The following TYSND1 variants were observed in gnomAD, a reference collection of about 807,000 sequenced individuals.
The protein encoded by TYSND1 is peroxisomal leader peptide-processing protease.
A neutral mutation model predicts 37.2 loss-of-function variants in TYSND1; 30 were observed. The observed-to-expected ratio is 0.81, with a 90% CI of 0.60 to 1.09. The LOEUF (loss-of-function observed/expected upper bound fraction) is 1.09, where lower values mean the gene tolerates loss of function less well. TYSND1 is among the 50% of genes least tolerant of loss of function. The pLI, the probability that TYSND1 is intolerant of heterozygous loss-of-function variation, is 0.00. For synonymous variants in TYSND1, 364 were observed against 383.8 expected (o/e 0.95, Z 0.60); for missense variants, 806 against 817.4 (o/e 0.99, Z 0.17).
At position 70,142,778 on chromosome 10, in the gene TYSND1, G is replaced by A. The variant is rs200428388; in HGVS notation, c.1373C>T (p.Ser458Leu). 5.8e-5 allele frequency: 94 copies of A among 1,614,140 alleles called. 1 individual carries two copies. The highest frequency in any genetic ancestry group is 4.2e-4 in the East Asian group (19 of 44,882). ...CGTGCCATTCACCTGCACCACAGCC[G>A]AAAGGATGCCTGAGGTCACCGAGGG... ...CGPSVTSGIL[S>L]AVVQVNGTPV... Residue 458 changes from serine (S) to leucine (L), a missense_variant, in exon 3 of 4, where the codon TCG (serine) becomes TTG (leucine). Around this residue, in one of 3 missense-constraint regions of TYSND1, gnomAD observed 708 missense variants for 705.4 expected, o/e 1.00. Coordinates refer to ENST00000287078, the MANE Select transcript of TYSND1 (RefSeq NM_173555.4).
At position 70,140,158 on chromosome 10, in the gene TYSND1, G is replaced by A. The variant is rs562256310; in HGVS notation, c.1484-17C>T. On this transcript the variant is annotated splice_polypyrimidine_tract_variant and intron_variant, in intron 3 of 3. Transcript: ENST00000287078. ...TGATTATGCCTGTTGAGGAGTCAGAGAGCAAAAGAGGATGTGAGCCAGGGG... is the reference window on the plus strand; with the variant it reads ...TGATTATGCCTGTTGAGGAGTCAGAAAGCAAAAGAGGATGTGAGCCAGGGG... 2.0e-5 allele frequency: 32 copies of A among 1,581,586 alleles called. No individual in the cohort carries two copies. The East Asian group carries it at 7.2e-4, about 36-fold the overall frequency.
At chr10:70,144,205 T>C (rs2072836871) in intron 1 of TYSND1, 1 of 542,888 alleles carries the variant, frequency 1.8e-6, no homozygotes, top group Non-Finnish European at 3.2e-6. Context: ...ACCTGACACT[T>C]AGTGAGCACT....
Position 70,146,240 on chromosome 10 carries a change from C to T in TYSND1, c.347G>A (p.Gly116Asp), listed in dbSNP as rs1477886874. ...CTPQCASLEP[G>D]PPAPSRGRPL... ...ACGCCCGCGGGACGGGGCAGGTGGG[C>T]CGGGCTCGAGGCTCGCGCACTGGGG... Residue 116 changes from glycine (G) to aspartate (D), a missense_variant, in exon 1 of 4, where the codon GGC becomes GAC. Around this residue, in one of 3 missense-constraint regions of TYSND1, gnomAD observed 708 missense variants for 705.4 expected, o/e 1.00. Transcript: ENST00000287078. 4.0e-6 allele frequency: 6 copies of T among 1,488,190 alleles called. No homozygotes were observed. The South Asian group carries it at 8.0e-5, about 20-fold the overall frequency. The allele number at this position is 1,488,190 out of a possible 1,614,324, so 92.2% of individuals were successfully genotyped here. A position where few individuals can be genotyped will look rare whatever the true frequency, so the allele number is the denominator to read the frequency against.
chr10:70,145,960 A>G lies in TYSND1; in HGVS notation c.627T>C (p.Pro209=). 1 of 1,559,470 alleles carries G rather than the reference A, an allele frequency of 6.4e-7. No individual in the cohort carries two copies. Among genetic ancestry groups the G allele is most frequent in the Non-Finnish European group, 8.7e-7 (1 of 1,153,052 alleles). Residue 209 remains proline, a synonymous_variant, in exon 1 of 4, where the codon CCT becomes CCC. Transcript: ENST00000287078. ...EERGPAMAVS[P]LGAVPKGAPL... ...GCGCACCCTTGGGCACGGCCCCGAG[A>G]GGCGACACCGCCATGGCTGGCCCGC...
At chr10:70,143,066 T>G (rs2072810944) in intron 2 of TYSND1, among the ~76,000 whole-genome samples, 1 of 152,234 alleles carries the variant, frequency 6.6e-6, no homozygotes, top group Non-Finnish European at 1.5e-5. Flanking sequence ...TGTATCTGCA[T>G]GACCACTTCT....
In TYSND1 at chr10:70,139,850, G is replaced by A; in HGVS notation, c.*74C>T. 3 of 1,458,342 alleles carry A rather than the reference G, an allele frequency of 2.1e-6. No individual in the cohort carries two copies. The South Asian group carries it at 3.8e-5, about 18-fold the overall frequency. The allele number at this position is 1,458,342 out of a possible 1,614,324, so 90.3% of individuals were successfully genotyped here. A position where few individuals can be genotyped will look rare whatever the true frequency, so the allele number is the denominator to read the frequency against. On this transcript the variant is annotated 3_prime_UTR_variant, in exon 4 of 4. Transcript: ENST00000287078. ...GCAGGGGCTGGGCCCTGAATCCTGA[G>A]GCCACCGTCACCTCAACATCACTTC...
At position 70,145,462 on chromosome 10, in the gene TYSND1, AG is replaced by A; in HGVS notation, c.1124del (p.Pro375LeufsTer35). The A allele has an allele frequency of 6.8e-7, 1 of 1,479,552 alleles. No homozygotes were observed. The allele number at this position is 1,479,552 out of a possible 1,614,324, so 91.7% of individuals were successfully genotyped here. ...RLVVTCRHVS[P>X]REAARVLVRS... ...GCACCAGGACCCTGGCTGCTTCCCG[AG>A]GGGACACGTGCCGACAGGTCACTAC... On this transcript the variant is annotated frameshift_variant, in exon 1 of 4. Transcript: ENST00000287078. LOFTEE classifies it high-confidence loss of function.
At chr10:70,144,180 G>A in intron 1 of TYSND1, 1 of 617,418 alleles carries the variant, frequency 1.6e-6, no homozygotes, top group Non-Finnish European at 2.7e-6. Context: ...AAAGCTTCCT[G>A]TACCTGAATA....
chr10:70,141,138 C>T (rs935140163), intron 3 of TYSND1, among the ~76,000 whole-genome samples: 5 of 151,586 alleles, frequency 3.3e-5, no homozygotes, highest in African/African-American at 1.2e-4. Context: ...TGGGGCCTCA[C>T]TATGGTTGTC....
rs1364228148 is a variant in TYSND1, at chr10:70,142,017, G to A, written c.1483+651C>T. On this transcript the variant is annotated intron_variant, in intron 3 of 3. Coordinates refer to ENST00000287078, the MANE Select transcript of TYSND1 (RefSeq NM_173555.4). ...GGAACAGATAAGTAAACATATTGTA[G>A]ACAACAAGAGCAAGGTTTTTCACTA... 3.9e-5 allele frequency among the ~76,000 whole-genome samples: 6 copies of A among 152,236 alleles called. No homozygotes were observed. The East Asian group carries it at 1.2e-3, about 29-fold the overall frequency.
chr10:70,145,854 TGCTGA>T lies in TYSND1; in HGVS notation c.728_732del (p.Leu243GlnfsTer164), dbSNP rs1564565042. On this transcript the variant is annotated frameshift_variant, in exon 1 of 4. Coordinates refer to ENST00000287078, the MANE Select transcript of TYSND1 (RefSeq NM_173555.4). LOFTEE classifies it high-confidence loss of function. Reference sequence around the variant, plus strand: ...GTAAGCAGCAGTGGGCCGGCCACGTTGCTGAGCACCCCGCAGCTCAGCGTGTTGAG... The same window carrying T: ...GTAAGCAGCAGTGGGCCGGCCACGTTGCACCCCGCAGCTCAGCGTGTTGAG... 2 of 1,542,242 alleles carry T rather than the reference TGCTGA, an allele frequency of 1.3e-6. No homozygotes were observed. The highest frequency in any genetic ancestry group is 1.7e-6 in the Non-Finnish European group (2 of 1,143,702).
Position 70,145,837 on chromosome 10 carries a change from C to T in TYSND1, c.750G>A (p.Leu250=). Residue 250 remains leucine (L), a synonymous_variant, in exon 1 of 4, where the codon CTG becomes CTA. Transcript: ENST00000287078. ...CGVLSNVAGP[L]LLTDARCLPG... ...GCAGGCAGCGTGCGTCGGTAAGCAG[C>T]AGTGGGCCGGCCACGTTGCTGAGCA... The T allele has an allele frequency of 6.5e-7, 1 of 1,538,882 alleles. No homozygotes were observed. Among genetic ancestry groups the T allele is most frequent in the South Asian group, 1.2e-5 (1 of 83,586 alleles).
At position 70,145,566 on chromosome 10, in the gene TYSND1, GC is replaced by G; in HGVS notation, c.1020del (p.Leu342CysfsTer26). 6.7e-7 allele frequency: 1 copy of G among 1,486,492 alleles called. No homozygotes were observed. Among genetic ancestry groups the G allele is most frequent in the Non-Finnish European group, 8.9e-7 (1 of 1,123,476 alleles). The allele number at this position is 1,486,492 out of a possible 1,614,324, so 92.1% of individuals were successfully genotyped here. On this transcript the variant is annotated frameshift_variant, in exon 1 of 4. Transcript: ENST00000287078. LOFTEE classifies it high-confidence loss of function. ...AACACTGCCGCGGCTGCCCACAGGG[GC>G]CCGGAGTCTCGGAGGGGCAGACCCC... ...VPWGLPLRDSGPLWAAAAVLV... is the reference protein window; with the variant it reads ...VPWGLPLRDSXPLWAAAAVLV...
chr10:70,139,983 C>T lies in TYSND1; in HGVS notation c.1642G>A (p.Val548Ile), dbSNP rs370786831. Residue 548 changes from valine to isoleucine, a missense_variant, in exon 4 of 4, where the codon GTC becomes ATC. Around this residue, in one of 3 missense-constraint regions of TYSND1, gnomAD observed 708 missense variants for 705.4 expected, o/e 1.00. Coordinates refer to ENST00000287078, the MANE Select transcript of TYSND1 (RefSeq NM_173555.4). ...LRELDRAAEP[V>I]RVVWRLQRPL... is the part of the protein sequence containing the mutation. ...CGCTGCAACCGCCACACCACCCTGA[C>T]TGGCTCAGCAGCGCGGTCCAGCTCA... is the stretch of plus-strand genomic sequence containing the variant. The T allele has an allele frequency of 1.5e-5, 25 of 1,614,200 alleles. No individual in the cohort carries two copies. In the African/African-American group the frequency reaches 2.3e-4, roughly 15 times the overall value.
Position 70,145,605 on chromosome 10 carries a change from C to T in TYSND1, c.982G>A (p.Val328Met), listed in dbSNP as rs1469993840. ...AALAALLPPE[V>M]GVPWGLPLRD... ...AGGGGCAGACCCCACGGGACGCCCA[C>T]CTCTGGCGGCAGAAGGGCGGCCAGG... Residue 328 changes from valine to methionine, a missense_variant, in exon 1 of 4, where the codon GTG becomes ATG. By Grantham distance (21) the Val-to-Met change is conservative (BLOSUM62 1). Transcript: ENST00000287078. 1 of 1,440,312 alleles carries T rather than the reference C, an allele frequency of 6.9e-7. No individual in the cohort carries two copies. The allele number at this position is 1,440,312 out of a possible 1,614,324, so 89.2% of individuals were successfully genotyped here. A position where few individuals can be genotyped will look rare whatever the true frequency, so the allele number is the denominator to read the frequency against.
rs1481571054 is a variant in TYSND1, at chr10:70,146,073, C to A, written c.514G>T (p.Glu172Ter). Residue 172 changes from glutamate to a stop codon, truncating the protein, a stop_gained, in exon 1 of 4, where the codon GAG (glutamate) becomes TAG (stop). Coordinates refer to ENST00000287078, the MANE Select transcript of TYSND1 (RefSeq NM_173555.4). LOFTEE classifies it high-confidence loss of function. ...SSAARDDEVSEDEEADQLRAL... is the reference protein window; with the variant it reads ...SSAARDDEVS ...CTCAGTTGATCCGCCTCCTCGTCCT[C>A]CGACACTTCGTCATCCCGCGCCGCG... 1.3e-6 allele frequency: 2 copies of A among 1,596,036 alleles called. No individual in the cohort carries two copies. Among genetic ancestry groups the A allele is most frequent in the East Asian group, 2.3e-5 (1 of 43,450 alleles).
At chr10:70,144,189 T>C in intron 1 of TYSND1, 1 of 591,256 alleles carries the variant, frequency 1.7e-6, no homozygotes, top group Non-Finnish European at 2.9e-6. Context: ...TGTACCTGAA[T>C]AATCAACCTG....
chr10:70,140,335 C>G (rs948845119), intron 3 of TYSND1, among the ~76,000 whole-genome samples, 194 bp from the exon 4 acceptor site: 8 of 152,156 alleles, frequency 5.3e-5, no homozygotes, highest in African/African-American at 1.9e-4. Flanking sequence ...ACGTTTTCTC[C>G]TTAACACTCT....
Position 70,140,091 on chromosome 10 carries a change from G to A in TYSND1, c.1534C>T (p.His512Tyr), listed in dbSNP as rs989631074. The change falls in exon 4 of 4, where the codon CAC becomes TAC. Residue 512 changes from histidine (H) to tyrosine (Y), a missense_variant. His to Tyr is a moderately conservative substitution (Grantham distance 83, BLOSUM62 2). Transcript: ENST00000287078. The part of the protein sequence containing the change: ...RDNNTGATYP[H>Y]LNFSIPITVL... ...GTGATGGGAATGCTGAAGTTCAGGT[G>A]GGGGTAGGTGGCCCCCGTATTATTG... The A allele has an allele frequency of 5.6e-6, 9 of 1,613,790 alleles. No homozygotes were observed. Among genetic ancestry groups the A allele is most frequent in the Non-Finnish European group, 5.9e-6 (7 of 1,179,814 alleles).
Sources: allele counts gnomAD v4.1 joint callset (sites outside exome capture counted in the v4.1 genomes callset), GRCh38; gene constraint gnomAD v4.1.1; regional missense constraint gnomAD v4.1.1; transcripts MANE v1.5; gene names NCBI Gene and HGNC (gene_info 2026-07-23, HGNC 2026-07-21).